Variants in ARID1B observed in about 807,000 individuals in gnomAD.
ARID1B encodes the protein AT-rich interactive domain-containing protein 1B.
ARID1B carries 30 observed loss-of-function variants against 212.3 expected under a neutral mutation model. The observed-to-expected ratio is 0.14, with a 90% CI of 0.11 to 0.19. The LOEUF is 0.19. Ranked by LOEUF, ARID1B falls within the 10% of genes least tolerant of loss-of-function variation. ARID1B has a pLI of 1.00. For missense variants in ARID1B, 2,891 were observed against 3,204.0 expected (o/e 0.90, Z 2.36); for synonymous variants, 1,402 against 1,301.7 (o/e 1.08, Z -1.66).
At chr6:156,923,942 G>A (rs1401901367) in intron 3 of ARID1B, among the ~76,000 whole-genome samples, 1 of 152,142 alleles carries the variant, frequency 6.6e-6, no homozygotes, top group African/African-American at 2.4e-5. Flanking sequence ...CGATCTTCCT[G>A]CCTCAGCCTC....
At chr6:157,109,258 T>C (rs368099358) in intron 5 of ARID1B, among the ~76,000 whole-genome samples, 1 of 152,136 alleles carries the variant, frequency 6.6e-6, no homozygotes, top group African/African-American at 2.4e-5. Flanking sequence ...GGGGGGCGAA[T>C]TGGTGATGAT....
intron 4 of ARID1B, among the ~76,000 whole-genome samples, chr6:156,964,037 T>A (rs1369664562): frequency 1.3e-5 from 2 of 152,260 alleles, no homozygotes; most frequent in East Asian, 3.8e-4. Flanking sequence ...TTTCAGAATC[T>A]CTCTGTCACC....
rs543391800 is a variant in ARID1B, at chr6:157,179,071, T to G, written c.3505-1898T>G. Among the ~76,000 whole-genome samples the G allele has an allele frequency of 3.9e-5, 6 of 152,350 alleles. No individual in the cohort carries two copies. The South Asian group carries it at 8.3e-4, about 21-fold the overall frequency. ...AAATAAAATGCAAGAGGGAAGTTGTTTTACTGTTAACTGATTATAGATTAT... is the reference window on the plus strand; with the variant it reads ...AAATAAAATGCAAGAGGGAAGTTGTGTTACTGTTAACTGATTATAGATTAT... On this transcript the variant is annotated intron_variant, in intron 11 of 19. Transcript: ENST00000636930.
At chr6:156,795,866 T>A in intron 1 of ARID1B, among the ~76,000 whole-genome samples, 1 of 151,832 alleles carries the variant, frequency 6.6e-6, no homozygotes, top group East Asian at 1.9e-4. Flanking sequence ...AAACTACATC[T>A]CACAGCTTTT....
At chr6:156,922,995 G>A (rs1334020292) in intron 3 of ARID1B, among the ~76,000 whole-genome samples, 4 of 152,182 alleles carry the variant, frequency 2.6e-5, no homozygotes, top group Non-Finnish European at 5.9e-5. Flanking sequence ...TGGGTTCTTG[G>A]AGCAAGAATC....
Position 157,190,320 on chromosome 6 carries a change from C to A in ARID1B, c.4231+110C>A, listed in dbSNP as rs1467387911. On this transcript the variant is annotated intron_variant, in intron 15 of 19. Coordinates refer to ENST00000636930, the MANE Select transcript of ARID1B (RefSeq NM_001374828.1). The surrounding 1 kb of genome is among the most constrained non-coding windows in gnomAD (Gnocchi z 4.6). ...GAACACCTCTGAGCCCATGCTGCAT[C>A]GGTGTGGGTCCCAGGTCCCCATCCT... 7.7e-7 allele frequency: 1 copy of A among 1,303,462 alleles called. No homozygotes were observed. The highest frequency in any genetic ancestry group is 1.0e-6 in the Non-Finnish European group (1 of 973,694). 80.7% of individuals were successfully genotyped at this position (1,303,462 alleles called of 1,614,324 possible). A position where few individuals can be genotyped will look rare whatever the true frequency, so the allele number is the denominator to read the frequency against.
Position 157,001,940 on chromosome 6 carries a change from G to A in ARID1B, c.2247+66364G>A, listed in dbSNP as rs78707169. ...GCGGCGAGGGCTCCCCACGCTGCTCGTTTCCAGAGGTGCCTCGTATTATTG... is the reference window on the plus strand; with the variant it reads ...GCGGCGAGGGCTCCCCACGCTGCTCATTTCCAGAGGTGCCTCGTATTATTG... On this transcript the variant is annotated intron_variant, in intron 4 of 19. Coordinates refer to ENST00000636930, the MANE Select transcript of ARID1B (RefSeq NM_001374828.1). Among the ~76,000 whole-genome samples, 656 of 152,318 alleles carry A rather than the reference G, an allele frequency of 4.3e-3. 3 individuals are homozygous for A. Among genetic ancestry groups the A allele is most frequent in the Middle Eastern group, 0.017 (5 of 294 alleles).
At chr6:157,113,005 T>G (rs1787042916) in intron 6 of ARID1B, among the ~76,000 whole-genome samples, 1 of 151,116 alleles carries the variant, frequency 6.6e-6, no homozygotes, top group Non-Finnish European at 1.5e-5. Context: ...CACTGCAACC[T>G]CTGCCTCCTG....
chr6:156,964,468 G>A (rs978231853), intron 4 of ARID1B, among the ~76,000 whole-genome samples: 4 of 152,216 alleles, frequency 2.6e-5, no homozygotes, highest in African/African-American at 4.8e-5. Flanking sequence ...TGTGCTGTGA[G>A]ACCACAGAAA....
Position 156,899,524 on chromosome 6 carries a change from T to A in ARID1B, c.1987-1852T>A, listed in dbSNP as rs1788754653. On this transcript the variant is annotated intron_variant, in intron 2 of 19. Coordinates refer to ENST00000636930, the MANE Select transcript of ARID1B (RefSeq NM_001374828.1). ...TTGGTTTTAATCGTGAAGGAGCATA[T>A]TTGAGGGCACCCAGGTCTCGGTTTG... Among the ~76,000 whole-genome samples, 8 of 152,094 alleles carry A rather than the reference T, an allele frequency of 5.3e-5. No individual in the cohort carries two copies. In the South Asian group the frequency reaches 1.7e-3, roughly 32 times the overall value.
rs769992564 is a variant in ARID1B at position 157,190,245 on chromosome 6, C to T, written c.4231+35C>T. On this transcript the variant is annotated intron_variant, in intron 15 of 19. Transcript: ENST00000636930. The surrounding 1 kb of genome is among the most constrained non-coding windows in gnomAD (Gnocchi z 4.6). ...GAGGGGCCTCCACCCGGCCATGGAC[C>T]AGTGGGCATTCTACTCTCTGCCGTT... 3 of 1,579,094 alleles carry T rather than the reference C, an allele frequency of 1.9e-6. No homozygotes were observed. The highest frequency in any genetic ancestry group is 1.4e-5 in the African/African-American group (1 of 73,812).
chr6:156,827,507 A>C (rs999359785), intron 1 of ARID1B, among the ~76,000 whole-genome samples: 4 of 152,200 alleles, frequency 2.6e-5, no homozygotes, highest in Non-Finnish European at 4.4e-5. Context: ...TCCTGTGTTC[A>C]TCTGTCAGAG....
chr6:157,067,130 C>T (rs1450574239), intron 4 of ARID1B, among the ~76,000 whole-genome samples: 1 of 152,184 alleles, frequency 6.6e-6, no homozygotes, highest in Non-Finnish European at 1.5e-5. Context: ...AGACTTTCTT[C>T]TGTCTCATTA....
At chr6:157,074,822 AATT>A (rs1784207857) in intron 4 of ARID1B, among the ~76,000 whole-genome samples, 1 of 152,142 alleles carries the variant, frequency 6.6e-6, no homozygotes. Context: ...GGAACAGGGT[AATT>A]ATTTATAAAG....
chr6:156,829,162 A>G, intron 1 of ARID1B, 65 bp from the exon 2 acceptor site: 1 of 1,370,230 alleles, frequency 7.3e-7, no homozygotes, highest in African/African-American at 1.4e-5. Flanking sequence ...TGTTGACATA[A>G]CACAAATTTG....
At chr6:156,886,745 AGTTCTTAATAATGT>A (rs1787538689) in intron 2 of ARID1B, among the ~76,000 whole-genome samples, 1 of 152,214 alleles carries the variant, frequency 6.6e-6, no homozygotes, top group African/African-American at 2.4e-5. Flanking sequence ...ATGATAAAGT[AGTTCTTAATAATGT>A]GTAACTGTGC....
At position 156,843,592 on chromosome 6, in the gene ARID1B, A is replaced by G. The variant is rs116119722; in HGVS notation, c.1986+14171A>G. Reference sequence around the variant, plus strand: ...ACACCTGGGCTGGGATAAGGACAGGAATGTAGGGGGGGTGTTAGGCTGTAT... The same window carrying G: ...ACACCTGGGCTGGGATAAGGACAGGGATGTAGGGGGGGTGTTAGGCTGTAT... On this transcript the variant is annotated intron_variant, in intron 2 of 19. Transcript: ENST00000636930. 9.7e-3 allele frequency among the ~76,000 whole-genome samples: 1,469 copies of G among 152,174 alleles called. 29 individuals carry two copies. The highest frequency in any genetic ancestry group is 0.033 in the African/African-American group (1,381 of 41,514).
chr6:157,020,114 A>G (rs1442489721), intron 4 of ARID1B, among the ~76,000 whole-genome samples: 1 of 152,256 alleles, frequency 6.6e-6, no homozygotes, highest in African/African-American at 2.4e-5. Context: ...AAGTCATTTC[A>G]GGAAGGAGGG....
intron 3 of ARID1B, among the ~76,000 whole-genome samples, chr6:156,927,610 A>T (rs927413709): frequency 6.6e-6 from 1 of 152,194 alleles, no homozygotes; most frequent in African/African-American, 2.4e-5. Flanking sequence ...CTTTTGCCAT[A>T]AGACTGCCAG....
Sources: allele counts gnomAD v4.1 joint callset (sites outside exome capture counted in the v4.1 genomes callset), GRCh38; gene constraint gnomAD v4.1.1; non-coding constraint Gnocchi (gnomAD v3.1); transcripts MANE v1.5; gene names NCBI Gene and HGNC (gene_info 2026-07-23, HGNC 2026-07-21).